Variants in CACNA2D3 observed in about 807,000 individuals in gnomAD.
The protein encoded by CACNA2D3 is calcium voltage-gated channel auxiliary subunit alpha2delta 3.
A neutral mutation model predicts 160.6 loss-of-function variants in CACNA2D3; 60 were observed. The ratio of observed to expected loss-of-function variants is 0.37; its 90% CI spans 0.30 to 0.46. The LOEUF (loss-of-function observed/expected upper bound fraction) is 0.46, where lower values mean the gene tolerates loss of function less well. Among genes scored for constraint, CACNA2D3 ranks in the 20% least tolerant of loss-of-function variants. CACNA2D3 has a pLI of 1.00. For missense variants in CACNA2D3, 1,205 were observed against 1,365.0 expected, an observed-to-expected ratio of 0.88 and a Z score of 1.85; for synonymous variants, 558 against 492.9, an observed-to-expected ratio of 1.13 and a Z score of -1.75.
intron 2 of CACNA2D3, among the ~76,000 whole-genome samples, chr3:54,187,684 T>C (rs944715162): frequency 6.6e-6 from 1 of 152,054 alleles, no homozygotes; most frequent in African/African-American, 2.4e-5. Flanking sequence ...ATAGAAGGGG[T>C]ACAGGGATGG....
At chr3:54,352,768 C>T (rs934797648) in intron 3 of CACNA2D3, among the ~76,000 whole-genome samples, 4 of 152,230 alleles carry the variant, frequency 2.6e-5, no homozygotes, top group African/African-American at 7.2e-5. Context: ...ATGTTAGCAA[C>T]AATTAACTTC....
chr3:54,625,569 T>C (rs1417363047), intron 9 of CACNA2D3, among the ~76,000 whole-genome samples: 1 of 152,220 alleles, frequency 6.6e-6, no homozygotes, highest in Non-Finnish European at 1.5e-5. Flanking sequence ...GGAAGGTTGC[T>C]ATGACAGTGG....
At chr3:54,141,584 C>T (rs985532673) in intron 2 of CACNA2D3, among the ~76,000 whole-genome samples, 2 of 152,122 alleles carry the variant, frequency 1.3e-5, no homozygotes, top group South Asian at 4.1e-4. Flanking sequence ...TTAAAAAGTC[C>T]TCGAACTCAG....
chr3:54,609,264 G>A (rs1378920532), intron 9 of CACNA2D3, among the ~76,000 whole-genome samples: 1 of 152,186 alleles, frequency 6.6e-6, no homozygotes, highest in Non-Finnish European at 1.5e-5. Flanking sequence ...GGCCTCGGGA[G>A]AAGCCAAAAC....
chr3:54,260,528 A>G (rs1406252217), intron 2 of CACNA2D3, among the ~76,000 whole-genome samples: 2 of 152,098 alleles, frequency 1.3e-5, no homozygotes, highest in Admixed American at 6.6e-5. Context: ...TCCCGTCTTG[A>G]TGACCTTATC....
chr3:54,173,676 G>A (rs1282762492), intron 2 of CACNA2D3, among the ~76,000 whole-genome samples: 1 of 152,210 alleles, frequency 6.6e-6, no homozygotes, highest in East Asian at 1.9e-4. Flanking sequence ...GCAAAGCACA[G>A]GTACGTCTAA....
intron 4 of CACNA2D3, among the ~76,000 whole-genome samples, chr3:54,472,384 A>C (rs1484621114): frequency 2.6e-5 from 4 of 152,212 alleles, no homozygotes; most frequent in Non-Finnish European, 2.9e-5. Context: ...CTAGGTGTTG[A>C]TGGAATGTAT....
At chr3:54,307,706 G>A (rs1472100089) in intron 2 of CACNA2D3, among the ~76,000 whole-genome samples, 4 of 152,216 alleles carry the variant, frequency 2.6e-5, no homozygotes, top group Non-Finnish European at 5.9e-5. Context: ...TGTAACTACA[G>A]AAACCACTTG....
chr3:54,425,332 AAAAC>A (rs3028872), intron 4 of CACNA2D3, among the ~76,000 whole-genome samples: 4,095 of 152,156 alleles, frequency 0.027, 187 homozygotes, highest in African/African-American at 0.088. Context: ...ACTCCATCTC[AAAAC>A]AAACAAACAA....
Position 54,879,094 on chromosome 3 carries a change from A to G in CACNA2D3, c.1782+5A>G, listed in dbSNP as rs771927823. On this transcript the variant is annotated splice_donor_5th_base_variant and intron_variant, in intron 19 of 37. Coordinates refer to ENST00000474759, the MANE Select transcript of CACNA2D3 (RefSeq NM_018398.3). Reference sequence around the variant, plus strand: ...AAGAAGACAGTGGACAAAGGGGTACATTTTTCTCAAACATTTTTGCTGCTT... The same window carrying G: ...AAGAAGACAGTGGACAAAGGGGTACGTTTTTCTCAAACATTTTTGCTGCTT... 3.8e-6 allele frequency: 6 copies of G among 1,576,076 alleles called. No homozygotes were observed. Among genetic ancestry groups the G allele is most frequent in the South Asian group, 1.2e-5 (1 of 85,854 alleles).
intron 4 of CACNA2D3, among the ~76,000 whole-genome samples, chr3:54,402,281 A>C (rs1026273511): frequency 1.3e-5 from 2 of 152,168 alleles, no homozygotes; most frequent in African/African-American, 4.8e-5. Flanking sequence ...TTCTTTACCT[A>C]TCAATAATTA....
intron 2 of CACNA2D3, among the ~76,000 whole-genome samples, chr3:54,202,298 T>G (rs187783787): frequency 8.6e-4 from 131 of 152,302 alleles, no homozygotes; most frequent in African/African-American, 3.1e-3. Flanking sequence ...TCACTGCTGG[T>G]TTCTGAAATG....
At chr3:54,276,937 A>G (rs1396420601) in intron 2 of CACNA2D3, among the ~76,000 whole-genome samples, 1 of 152,164 alleles carries the variant, frequency 6.6e-6, no homozygotes, top group Non-Finnish European at 1.5e-5. Flanking sequence ...TATGTAGATG[A>G]GGGTTGATGA....
intron 3 of CACNA2D3, among the ~76,000 whole-genome samples, chr3:54,327,189 A>G (rs528174857): frequency 6.6e-6 from 1 of 152,346 alleles, no homozygotes; most frequent in South Asian, 2.1e-4. Flanking sequence ...GTTTGAGCCA[A>G]CCTGAGCCTC....
intron 27 of CACNA2D3, among the ~76,000 whole-genome samples, chr3:54,913,730 G>A (rs1394011336): frequency 6.6e-6 from 1 of 152,112 alleles, no homozygotes; most frequent in Non-Finnish European, 1.5e-5. Flanking sequence ...TGACTTCTTC[G>A]AACCTGTCAG....
At position 54,127,044 on chromosome 3, in the gene CACNA2D3, G is replaced by A. The variant is rs551244853; in HGVS notation, c.204+3450G>A. Among the ~76,000 whole-genome samples, 37 of 152,284 alleles carry A rather than the reference G, an allele frequency of 2.4e-4. No individual in the cohort carries two copies. In the South Asian group the frequency reaches 7.2e-3, roughly 30 times the overall value. On this transcript the variant is annotated intron_variant, in intron 2 of 37. Coordinates refer to ENST00000474759, the MANE Select transcript of CACNA2D3 (RefSeq NM_018398.3). ...ACACCTCTAACAATCACAATCAAAG[G>A]CATTAAACTGGCTGATTCTCATTTC...
intron 5 of CACNA2D3, among the ~76,000 whole-genome samples, chr3:54,504,487 G>A (rs1701338886): frequency 6.6e-6 from 1 of 152,104 alleles, no homozygotes; most frequent in Admixed American, 6.5e-5. Flanking sequence ...AGGGCTAAAT[G>A]GAATGATGTT....
intron 2 of CACNA2D3, among the ~76,000 whole-genome samples, chr3:54,258,610 G>A (rs1702344361): frequency 1.3e-5 from 2 of 152,140 alleles, no homozygotes; most frequent in African/African-American, 4.8e-5. Context: ...TGTTCTAGCA[G>A]CAGAGCTTTC....
intron 13 of CACNA2D3, among the ~76,000 whole-genome samples, chr3:54,791,372 A>G (rs1397987671): frequency 6.6e-6 from 1 of 152,242 alleles, no homozygotes; most frequent in Non-Finnish European, 1.5e-5. Context: ...AGCAGATGCA[A>G]AGACAGAAAT....
Sources: allele counts gnomAD v4.1 joint callset (sites outside exome capture counted in the v4.1 genomes callset), GRCh38; gene constraint gnomAD v4.1.1; transcripts MANE v1.5; gene names NCBI Gene and HGNC (gene_info 2026-07-23, HGNC 2026-07-21).